MTF1: variants seen among roughly 807,000 people sequenced by gnomAD.
MTF1 encodes the protein metal regulatory transcription factor 1.
In MTF1, 22 loss-of-function variants were observed where a neutral mutation model predicts 70.4. The observed-to-expected ratio is 0.31, with a 90% confidence interval of 0.22 to 0.45. The LOEUF is 0.45. Among genes scored for constraint, MTF1 ranks in the 20% least tolerant of loss-of-function variants. The pLI, the probability that MTF1 is intolerant of heterozygous loss-of-function variation, is 1.00. For synonymous variants in MTF1, 333 were observed against 352.8 expected, an observed-to-expected ratio of 0.94 and a Z score of 0.63; for missense variants, 649 against 922.0, an observed-to-expected ratio of 0.70 and a Z score of 3.83.
In MTF1 at chr1:37,811,581, T is replaced by G. The variant is rs961253724; in HGVS notation, c.*3555A>C. 6.6e-6 allele frequency: 1 copy of G among 152,250 alleles called. No homozygotes were observed. The highest frequency in any genetic ancestry group is 2.4e-5 in the African/African-American group (1 of 41,466). The allele number at this position is 152,250 out of a possible 1,614,324, so 9.4% of individuals were successfully genotyped here. On this transcript the variant is annotated 3_prime_UTR_variant, in exon 11 of 11. Transcript: ENST00000373036. ...CTTTTTTATTTTATTATTTCTTTAA[T>G]ATACCAATATGAGGTTCTGCAAACT...
intron 2 of MTF1, among the ~76,000 whole-genome samples, chr1:37,842,039 GA>G (rs887235794): frequency 1.4e-5 from 2 of 146,876 alleles, no homozygotes; most frequent in African/African-American, 2.5e-5. Flanking sequence ...CCTCAAAAAA[GA>G]AAAAAAAGGG....
At chr1:37,849,652 G>A (rs955458991) in intron 2 of MTF1, among the ~76,000 whole-genome samples, 4 of 152,144 alleles carry the variant, frequency 2.6e-5, no homozygotes, top group African/African-American at 9.7e-5. Flanking sequence ...AGAGGTAGAT[G>A]AACAGGTAAC....
intron 4 of MTF1, among the ~76,000 whole-genome samples, chr1:37,837,362 G>A (rs1333104111): frequency 6.6e-6 from 1 of 152,082 alleles, no homozygotes; most frequent in African/African-American, 2.4e-5. Flanking sequence ...AATTCCATTT[G>A]ATTGGCATCT....
rs908173178 is a variant in MTF1 at position 37,836,944 on chromosome 1, G to C, written c.780-1200C>G. On this transcript the variant is annotated intron_variant, in intron 4 of 10. Coordinates refer to ENST00000373036, the MANE Select transcript of MTF1 (RefSeq NM_005955.3). ...CCTCTCAGCAGCCTACGGGAAGGGG[G>C]GCGGCGGGGAATAACCTAAGCTTCA... 7.4e-5 allele frequency among the ~76,000 whole-genome samples: 10 copies of C among 135,772 alleles called. 1 individual carries two copies. The highest frequency in any genetic ancestry group is 4.2e-4 in the East Asian group (2 of 4,726). The allele number at this position is 135,772 out of a possible 152,430, so 89.1% of individuals were successfully genotyped here.
At chr1:37,854,747 C>A (rs181384782) in intron 2 of MTF1, among the ~76,000 whole-genome samples, 1 of 152,180 alleles carries the variant, frequency 6.6e-6, no homozygotes, top group Non-Finnish European at 1.5e-5. Flanking sequence ...TATGAGACTG[C>A]GCTCAACTGC....
chr1:37,827,382 G>C (rs976596895), intron 7 of MTF1, among the ~76,000 whole-genome samples: 15 of 149,746 alleles, frequency 1.0e-4, no homozygotes, highest in African/African-American at 3.7e-4. Flanking sequence ...ATTTGAGACA[G>C]AGTCTCGCTC....
chr1:37,854,164 C>A (rs955662503), intron 2 of MTF1, among the ~76,000 whole-genome samples: 1 of 152,158 alleles, frequency 6.6e-6, no homozygotes, highest in African/African-American at 2.4e-5. Flanking sequence ...TCTGCCACCA[C>A]GCCCGGCTAA....
At chr1:37,857,116 A>G in intron 2 of MTF1, 135 bp downstream of exon 2, 1 of 781,472 alleles carries the variant, frequency 1.3e-6, no homozygotes, top group Non-Finnish European at 2.0e-6. Context: ...AACCTGAGGC[A>G]TATGTTGTTG....
Position 37,815,226 on chromosome 1 carries a change from C to T in MTF1, c.2172G>A (p.Gln724=). Residue 724 remains glutamine, a synonymous_variant, in exon 11 of 11, where the codon CAG becomes CAA. Transcript: ENST00000373036. The surrounding 1 kb of genome is among the most constrained non-coding windows in gnomAD (Gnocchi z 4.5). ...TCAGATTGGACGGGGTGTCCAGGCTCTGGAGGGATAGAAACTCTGACACAT... is the reference window on the plus strand; with the variant it reads ...TCAGATTGGACGGGGTGTCCAGGCTTTGGAGGGATAGAAACTCTGACACAT... ...AMDVSEFLSL[Q]SLDTPSNLIP... 6.2e-7 allele frequency: 1 copy of T among 1,614,132 alleles called. No individual in the cohort carries two copies. Among genetic ancestry groups the T allele is most frequent in the Non-Finnish European group, 8.5e-7 (1 of 1,180,032 alleles).
At chr1:37,847,778 T>A (rs1413406645) in intron 2 of MTF1, among the ~76,000 whole-genome samples, 1 of 152,132 alleles carries the variant, frequency 6.6e-6, no homozygotes, top group Non-Finnish European at 1.5e-5. Flanking sequence ...GGAGGCTCAC[T>A]TGAGCCCAGA....
In MTF1 at chr1:37,809,944, T is replaced by C. The variant is rs756953590; in HGVS notation, c.*5192A>G. ...AGTGTATGTCAAAAAAAAGGGCTCT[T>C]GGGGGCTCTTGCCTTTCCTGGCTAG... On this transcript the variant is annotated 3_prime_UTR_variant, in exon 11 of 11. Coordinates refer to ENST00000373036, the MANE Select transcript of MTF1 (RefSeq NM_005955.3). 3.9e-5 allele frequency: 6 copies of C among 152,530 alleles called. No homozygotes were observed. Among genetic ancestry groups the C allele is most frequent in the Non-Finnish European group, 5.9e-5 (4 of 68,030 alleles). 9.4% of individuals were successfully genotyped at this position (152,530 alleles called of 1,614,324 possible). A position where few individuals can be genotyped will look rare whatever the true frequency, so the allele number is the denominator to read the frequency against.
Position 37,822,561 on chromosome 1 carries a change from G to A in MTF1, c.1327C>T (p.Pro443Ser), listed in dbSNP as rs375968162. ...GGTCCTAGGGAGGGAGCAGGCGGAGGAGCAGACGGAGCTGAGGCAGGTAGT... is the reference window on the plus strand; with the variant it reads ...GGTCCTAGGGAGGGAGCAGGCGGAGAAGCAGACGGAGCTGAGGCAGGTAGT... ...PLLPASAPSA[P>S]PPAPSLGPGS... The change falls in exon 9 of 11, where the codon CCT becomes TCT. Residue 443 changes from proline to serine, a missense_variant. By Grantham distance (74) the Pro-to-Ser change is moderately conservative. Transcript: ENST00000373036. The A allele has an allele frequency of 5.0e-5, 80 of 1,614,002 alleles. No homozygotes were observed. The highest frequency in any genetic ancestry group is 6.4e-5 in the Non-Finnish European group (76 of 1,180,038).
At position 37,838,615 on chromosome 1, in the gene MTF1, T is replaced by A; in HGVS notation, c.779+10A>T. 1 of 1,609,234 alleles carries A rather than the reference T, an allele frequency of 6.2e-7. No homozygotes were observed. The highest frequency in any genetic ancestry group is 2.2e-5 in the East Asian group (1 of 44,728). ...CTGGTCAGTGACAAATAGAAAACAG[T>A]AAGACCTACCGAAATGGCTTTTCCC... is the stretch of plus-strand genomic sequence containing the variant. On this transcript the variant is annotated intron_variant, in intron 4 of 10. Transcript: ENST00000373036.
chr1:37,828,875 G>A (rs778544350), intron 7 of MTF1, among the ~76,000 whole-genome samples: 2 of 152,154 alleles, frequency 1.3e-5, no homozygotes, highest in African/African-American at 2.4e-5. Flanking sequence ...GGAGCAAAGA[G>A]CAAAGGGCAA....
chr1:37,858,727 A>G (rs1053368942), intron 1 of MTF1, among the ~76,000 whole-genome samples: 5 of 152,250 alleles, frequency 3.3e-5, no homozygotes, highest in Non-Finnish European at 7.3e-5. Context: ...AATGACTGAA[A>G]GACATGGCTA....
intron 2 of MTF1, among the ~76,000 whole-genome samples, chr1:37,845,962 A>T (rs1641325533): frequency 1.3e-5 from 2 of 152,234 alleles, no homozygotes; most frequent in South Asian, 4.1e-4. Context: ...ATTTTAAAAT[A>T]GCACAAAATT....
At chr1:37,833,878 T>C (rs974789999) in intron 6 of MTF1, among the ~76,000 whole-genome samples, 2 of 151,178 alleles carry the variant, frequency 1.3e-5, no homozygotes, top group Non-Finnish European at 2.9e-5. Flanking sequence ...GGGGCAGGAG[T>C]GGACACTCCT....
chr1:37,826,014 C>A lies in MTF1; in HGVS notation c.1069-2202G>T, dbSNP rs74067334. ...GGTTATGGGTTGGGAGGCCAGCACC[C>A]CTAGCCCCTGTGTTGTTCAAGGGTC... is the stretch of plus-strand genomic sequence containing the variant. On this transcript the variant is annotated intron_variant, in intron 7 of 10. Transcript: ENST00000373036. Among the ~76,000 whole-genome samples, 766 of 152,290 alleles carry A rather than the reference C, an allele frequency of 5.0e-3. 5 individuals are homozygous for A. Among genetic ancestry groups the A allele is most frequent in the African/African-American group, 0.017 (720 of 41,552 alleles).
intron 7 of MTF1, among the ~76,000 whole-genome samples, 181 bp downstream of exon 7, chr1:37,832,064 T>A (rs1641095094): frequency 1.3e-5 from 2 of 152,190 alleles, no homozygotes; most frequent in Admixed American, 1.3e-4. Flanking sequence ...GAATCAGGCA[T>A]CAGAGAGAAC....
Sources: allele counts gnomAD v4.1 joint callset (sites outside exome capture counted in the v4.1 genomes callset), GRCh38; gene constraint gnomAD v4.1.1; non-coding constraint Gnocchi (gnomAD v3.1); transcripts MANE v1.5; gene names NCBI Gene and HGNC (gene_info 2026-07-23, HGNC 2026-07-21).